Variants in INTS15 observed in about 807,000 individuals in gnomAD.
INTS15 encodes the protein uncharacterized protein C7orf26.
the INTS15 span, chr7:6,590,071 G>A: frequency 3.3e-6 from 1 of 305,216 alleles, no homozygotes; most frequent in Non-Finnish European, 5.9e-6. Context: ...GCTCCTGGCG[G>A]CGCCGCAGTC....
chr7:6,590,130 G>A, the INTS15 span: 4 of 544,214 alleles, frequency 7.4e-6, no homozygotes, highest in Admixed American at 9.2e-5. Context: ...GGCCCCCTGA[G>A]CAGGCAGGGA....
chr7:6,606,508 G>A, the INTS15 span, among the ~76,000 whole-genome samples: 2 of 152,140 alleles, frequency 1.3e-5, no homozygotes, highest in East Asian at 3.9e-4. Context: ...GCTGGCCTTG[G>A]TGTTAGGAGA....
chr7:6,607,221 T>C, the INTS15 span, among the ~76,000 whole-genome samples: 1 of 152,030 alleles, frequency 6.6e-6, no homozygotes, highest in Non-Finnish European at 1.5e-5. This position sits in a 1 kb window ranked among gnomAD's most constrained non-coding sequence, Gnocchi z 6.0. Context: ...GAAAGCCACG[T>C]TGAATTTGCT....
the INTS15 span, among the ~76,000 whole-genome samples, chr7:6,606,010 T>A: frequency 6.6e-6 from 1 of 151,890 alleles, no homozygotes; most frequent in South Asian, 2.1e-4. Flanking sequence ...ACCTCTTAGA[T>A]TTGTGACAGT....
chr7:6,592,123 A>G, the INTS15 span, among the ~76,000 whole-genome samples: 1 of 151,840 alleles, frequency 6.6e-6, no homozygotes, highest in African/African-American at 2.4e-5. Context: ...GTGAGCTGAG[A>G]TGGTGCCATT....
At chr7:6,604,977 CTT>C in the INTS15 span, among the ~76,000 whole-genome samples, 2 of 151,988 alleles carry the variant, frequency 1.3e-5, no homozygotes, top group African/African-American at 4.8e-5. Flanking sequence ...TCCTCTTTTT[CTT>C]TTTCTCTTTG....
chr7:6,601,507 G>C, the INTS15 span, among the ~76,000 whole-genome samples: 2 of 152,010 alleles, frequency 1.3e-5, no homozygotes, highest in African/African-American at 4.8e-5. Flanking sequence ...TGTCGGCCAG[G>C]ATGGTTTCAA....
At chr7:6,602,191 A>G in the INTS15 span, 1 of 1,531,640 alleles carries the variant, frequency 6.5e-7, no homozygotes, top group South Asian at 1.2e-5. Flanking sequence ...AGCAGGGTGG[A>G]GGGAGGCAAG....
At chr7:6,590,283 C>G in the INTS15 span, 1 of 1,554,946 alleles carries the variant, frequency 6.4e-7, no homozygotes, top group Non-Finnish European at 8.6e-7. Flanking sequence ...GCGGCCGCAC[C>G]ATGAGCGACA....
At chr7:6,594,693 T>G in the INTS15 span, 1 of 1,197,612 alleles carries the variant, frequency 8.3e-7, no homozygotes, top group Non-Finnish European at 1.2e-6. Flanking sequence ...GTCCAGTGAA[T>G]GCTTTGGCTG....
At chr7:6,604,957 A>G in the INTS15 span, among the ~76,000 whole-genome samples, 1 of 151,300 alleles carries the variant, frequency 6.6e-6, no homozygotes, top group African/African-American at 2.4e-5. Context: ...AGGGGCCCAC[A>G]CTCTTCCTCT....
At chr7:6,607,956 G>T in the INTS15 span, 1 of 1,599,094 alleles carries the variant, frequency 6.3e-7, no homozygotes, top group Non-Finnish European at 8.5e-7. This position sits in a 1 kb window ranked among gnomAD's most constrained non-coding sequence, Gnocchi z 6.0. Flanking sequence ...GCTTGTGTTC[G>T]CAGCCTCCTC....
chr7:6,606,695 C>CTT, the INTS15 span, among the ~76,000 whole-genome samples: 35 of 137,920 alleles, frequency 2.5e-4, no homozygotes, highest in Non-Finnish European at 4.2e-4. Context: ...CCCAGAGGGC[C>CTT]TTTTTTTTTT....
At chr7:6,595,132 A>G in the INTS15 span, among the ~76,000 whole-genome samples, 36 of 152,156 alleles carry the variant, frequency 2.4e-4, no homozygotes, top group Admixed American at 5.9e-4. Flanking sequence ...CCAAGGCTCA[A>G]GTGTTTCTCC....
chr7:6,600,192 G>A, the INTS15 span: 1 of 1,614,178 alleles, frequency 6.2e-7, no homozygotes, highest in Non-Finnish European at 8.5e-7. Context: ...GGGCGCCTGG[G>A]GCTGATCCTC....
chr7:6,592,964 C>T, the INTS15 span, among the ~76,000 whole-genome samples: 1 of 152,116 alleles, frequency 6.6e-6, no homozygotes, highest in African/African-American at 2.4e-5. Context: ...CACACATTTT[C>T]ATCATGTGGC....
chr7:6,596,199 G>T, the INTS15 span, among the ~76,000 whole-genome samples: 1 of 151,650 alleles, frequency 6.6e-6, no homozygotes, highest in Non-Finnish European at 1.5e-5. Context: ...GGGACTACAG[G>T]CGCGCACCAC....
At chr7:6,601,868 G>T in the INTS15 span, among the ~76,000 whole-genome samples, 1 of 151,220 alleles carries the variant, frequency 6.6e-6, no homozygotes, top group Admixed American at 6.6e-5. Flanking sequence ...TGTTGGTCAG[G>T]CTGGTCTCAA....
the INTS15 span, among the ~76,000 whole-genome samples, chr7:6,592,575 A>C: frequency 1.3e-5 from 2 of 151,940 alleles, no homozygotes; most frequent in South Asian, 2.1e-4. Context: ...TCAAAAAAAA[A>C]ACTTTTTTTT....
Sources: allele counts gnomAD v4.1 joint callset (sites outside exome capture counted in the v4.1 genomes callset), GRCh38; gene constraint gnomAD v4.1.1; non-coding constraint Gnocchi (gnomAD v3.1); transcripts MANE v1.5; gene names NCBI Gene and HGNC (gene_info 2026-07-23, HGNC 2026-07-21).